SASH1: variants seen among roughly 807,000 people sequenced by gnomAD.
SASH1 encodes SAM and SH3 domain containing 1.
SASH1 carries 44 observed loss-of-function variants against 125.2 expected under a neutral mutation model. The observed-to-expected ratio is 0.35, with a 90% CI of 0.28 to 0.45. SASH1 has a LOEUF of 0.45. Among genes scored for constraint, SASH1 ranks in the 20% least tolerant of loss-of-function variants. The pLI, the probability that SASH1 is intolerant of heterozygous loss-of-function variation, is 1.00. For synonymous variants in SASH1, 639 were observed against 649.1 expected, an observed-to-expected ratio of 0.98 and a Z score of 0.24; for missense variants, 1,426 against 1,614.5, an observed-to-expected ratio of 0.88 and a Z score of 2.00.
chr6:148,222,919 C>T, the SASH1 span, among the ~76,000 whole-genome samples: 2 of 152,118 alleles, frequency 1.3e-5, no homozygotes, highest in South Asian at 2.1e-4. Context: ...GTCTTAGTTA[C>T]ACCTACCGGA....
At chr6:148,525,458 G>A in intron 11 of SASH1, 93 bp downstream of exon 11, 1 of 1,041,522 alleles carries the variant, frequency 9.6e-7, no homozygotes, top group Admixed American at 1.7e-5. Context: ...TTGATACTGG[G>A]TACCGTTTTC....
At chr6:148,237,348 T>C in the SASH1 span, among the ~76,000 whole-genome samples, 1 of 152,226 alleles carries the variant, frequency 6.6e-6, no homozygotes, top group Non-Finnish European at 1.5e-5. Context: ...TTCCAGCATA[T>C]ATTTCATGCA....
At chr6:148,334,252 G>A (rs1357187758) in intron 1 of SASH1, among the ~76,000 whole-genome samples, 492 of 143,052 alleles carry the variant, frequency 3.4e-3, no homozygotes, top group Middle Eastern at 0.033. Context: ...GTGAAACCCT[G>A]TCTCTACTAA....
intron 1 of SASH1, among the ~76,000 whole-genome samples, chr6:148,289,738 C>T (rs1779576234): frequency 6.6e-6 from 1 of 152,044 alleles, no homozygotes; most frequent in East Asian, 1.9e-4. Flanking sequence ...GATGCAGTCC[C>T]CTTTGATAAA....
chr6:148,388,891 C>T (rs1046874464), intron 1 of SASH1, among the ~76,000 whole-genome samples: 2 of 150,790 alleles, frequency 1.3e-5, no homozygotes, highest in African/African-American at 2.4e-5. Flanking sequence ...GTCTAAAAGT[C>T]GTATTTTCCT....
Position 148,544,677 on chromosome 6 carries a change from C to T in SASH1, c.3207C>T (p.Ser1069=). 1.2e-6 allele frequency: 2 copies of T among 1,613,306 alleles called. No individual in the cohort carries two copies. The highest frequency in any genetic ancestry group is 1.7e-6 in the Non-Finnish European group (2 of 1,179,652). Residue 1069 remains serine (S), a synonymous_variant, in exon 18 of 20, where the codon AGC becomes AGT. Transcript: ENST00000367467. This position sits in a 1 kb window ranked among gnomAD's most constrained non-coding sequence, Gnocchi z 6.4. The stretch of plus-strand genomic sequence containing the variant: ...TCTCAGAGCTCCCCGAGAACACAAG[C>T]CTCCAGGAGCACGGTGTGAAGCTGG... ...PWLSELPENT[S]LQEHGVKLGP...
At chr6:148,260,796 CT>C in the SASH1 span, among the ~76,000 whole-genome samples, 195 of 104,032 alleles carry the variant, frequency 1.9e-3, 1 homozygote, top group East Asian at 8.0e-3. Context: ...CCTATAAGGG[CT>C]TTTTTTTTTT....
chr6:148,512,981 G>A (rs1386311033), intron 8 of SASH1: 20 of 985,248 alleles, frequency 2.0e-5, no homozygotes, highest in Admixed American at 6.1e-5. Flanking sequence ...GACATCAGTT[G>A]TTTATATCCC....
intron 11 of SASH1, among the ~76,000 whole-genome samples, chr6:148,525,863 G>A (rs1264932822): frequency 2.0e-5 from 3 of 151,918 alleles, no homozygotes; most frequent in Non-Finnish European, 4.4e-5. Context: ...GGGGTGTCCT[G>A]GAATGAACCC....
chr6:148,451,233 A>G (rs185773151), intron 4 of SASH1, among the ~76,000 whole-genome samples: 29 of 152,364 alleles, frequency 1.9e-4, no homozygotes, highest in African/African-American at 6.0e-4. Context: ...AAATAGGGCT[A>G]CAAATGGATT....
In SASH1 at chr6:148,548,474, C is replaced by G. The variant is rs200835251; in HGVS notation, c.3660C>G (p.Ala1220=). The change falls in exon 20 of 20, where the codon GCC becomes GCG. Residue 1220 remains alanine, a synonymous_variant. Coordinates refer to ENST00000367467, the MANE Select transcript of SASH1 (RefSeq NM_015278.5). ...TGTCTCACACTTGCCTTCAGGAGGC[C>G]GGCATCACAGAGGAGAGACACATAA... ...PSLSHTCLQE[A]GITEERHIRK... The G allele has an allele frequency of 8.1e-6, 13 of 1,614,060 alleles. No homozygotes were observed. Among genetic ancestry groups the G allele is most frequent in the Non-Finnish European group, 1.1e-5 (13 of 1,180,044 alleles).
chr6:148,441,072 G>A (rs1776525934), intron 4 of SASH1, among the ~76,000 whole-genome samples: 2 of 152,060 alleles, frequency 1.3e-5, no homozygotes, highest in Non-Finnish European at 2.9e-5. Context: ...CTGCTTTATT[G>A]CATCATCATT....
chr6:148,253,930 G>A, the SASH1 span, among the ~76,000 whole-genome samples: 1 of 151,700 alleles, frequency 6.6e-6, no homozygotes, highest in African/African-American at 2.4e-5. Flanking sequence ...TATAGGCCAG[G>A]CACGGTGGTT....
chr6:148,296,763 G>A (rs1333938862), intron 1 of SASH1, among the ~76,000 whole-genome samples: 2 of 152,204 alleles, frequency 1.3e-5, no homozygotes, highest in Non-Finnish European at 2.9e-5. Flanking sequence ...GGAGAAAGGG[G>A]TCAAGGACAA....
the SASH1 span, among the ~76,000 whole-genome samples, chr6:148,234,422 A>T: frequency 2.7e-3 from 404 of 151,800 alleles, 5 homozygotes; most frequent in Non-Finnish European, 1.6e-3. Context: ...TTTGGCTTCT[A>T]TCACTGAGGT....
intron 4 of SASH1, among the ~76,000 whole-genome samples, chr6:148,465,815 A>G (rs948487064): frequency 2.0e-5 from 3 of 152,132 alleles, no homozygotes; most frequent in African/African-American, 2.4e-5. Flanking sequence ...GTCCCCAGCC[A>G]ACTAGCTTGC....
the SASH1 span, among the ~76,000 whole-genome samples, chr6:148,253,934 G>A: frequency 7.4e-4 from 112 of 151,886 alleles, no homozygotes; most frequent in Non-Finnish European, 1.4e-3. Flanking sequence ...GGCCAGGCAC[G>A]GTGGTTTATG....
intron 1 of SASH1, among the ~76,000 whole-genome samples, chr6:148,308,274 G>GCCC (rs10693455): frequency 0.069 from 10,265 of 149,580 alleles, 434 homozygotes; most frequent in African/African-American, 0.12. Context: ...TATTAAATCC[G>GCCC]CCCCCCCCAA....
chr6:148,410,255 C>T (rs1210169540), intron 2 of SASH1, among the ~76,000 whole-genome samples: 7 of 151,422 alleles, frequency 4.6e-5, no homozygotes, highest in Admixed American at 3.9e-4. Context: ...AGATTACAGG[C>T]GCCCGCCACC....
Sources: gnomAD v4.1 joint callset for allele counts (sites outside exome capture counted in the v4.1 genomes callset) on GRCh38, gnomAD v4.1.1 for gene constraint, Gnocchi (gnomAD v3.1) non-coding constraint, MANE v1.5 for transcripts, NCBI Gene and HGNC (gene_info 2026-07-23, HGNC 2026-07-21) for gene names.